The following AKAP9 variants were observed in gnomAD, a reference collection of about 807,000 sequenced individuals.
AKAP9 encodes the protein A-kinase anchor protein 9.
A neutral mutation model predicts 488.5 loss-of-function variants in AKAP9; 311 were observed. That is an observed-to-expected ratio of 0.64 (90% CI 0.58 to 0.70). The LOEUF (loss-of-function observed/expected upper bound fraction) is 0.70. Ranked by LOEUF, AKAP9 falls within the 30% of genes least tolerant of loss-of-function variation. The pLI, the probability that AKAP9 is intolerant of heterozygous loss-of-function variation, is 0.00. For missense variants in AKAP9, 4,215 were observed against 4,374.5 expected, an observed-to-expected ratio of 0.96 and a Z score of 1.03; for synonymous variants, 1,462 against 1,483.5, an observed-to-expected ratio of 0.99 and a Z score of 0.33.
intron 1 of AKAP9, among the ~76,000 whole-genome samples, chr7:91,957,541 A>G (rs370084161): frequency 2.3e-4 from 35 of 152,310 alleles, no homozygotes; most frequent in South Asian, 1.4e-3. Flanking sequence ...TCACAAAGGA[A>G]CAAGAATTCC....
intron 4 of AKAP9, 78 bp from the exon 5 acceptor site, chr7:91,992,807 A>G: frequency 1.4e-6 from 2 of 1,386,430 alleles, no homozygotes; most frequent in Non-Finnish European, 2.0e-6. Context: ...GGACCTTGCT[A>G]TGGATTTCAG....
chr7:92,058,719 T>A (rs1051590223), intron 22 of AKAP9, among the ~76,000 whole-genome samples: 6 of 152,028 alleles, frequency 3.9e-5, no homozygotes, highest in African/African-American at 1.2e-4. Flanking sequence ...ATGGAATAAT[T>A]ATTATATTTG....
In AKAP9 at chr7:91,968,679, G is replaced by A. The variant is rs145462628; in HGVS notation, c.49-5032G>A. Among the ~76,000 whole-genome samples the A allele has an allele frequency of 4.2e-3, 644 of 152,090 alleles. 3 individuals carry two copies. The highest frequency in any genetic ancestry group is 0.015 in the African/African-American group (602 of 41,506). On this transcript the variant is annotated intron_variant, in intron 1 of 49. Transcript: ENST00000356239. ...TTGGTTTTCTAGTTTCTTGCAGTGC[G>A]TTGTTTGGTTGTTTATTTGAAGTCT...
chr7:92,073,744 T>C (rs1287825981), intron 28 of AKAP9, among the ~76,000 whole-genome samples: 1 of 152,174 alleles, frequency 6.6e-6, no homozygotes, highest in Non-Finnish European at 1.5e-5. Context: ...TTGAAGTGTC[T>C]GATATGATGC....
At chr7:91,957,075 A>G (rs756647) in intron 1 of AKAP9, among the ~76,000 whole-genome samples, 62,918 of 151,948 alleles carry the variant, frequency 0.41, 13,477 homozygotes, top group African/African-American at 0.51. Context: ...CCTGATTTAC[A>G]TCTCAATATA....
In AKAP9 at chr7:92,108,558, G is replaced by T. The variant is rs376870775; in HGVS notation, c.11611G>T (p.Asp3871Tyr). ...AGCATGTTCTCAGCTTCAGAATTAC[G>T]ATCCTGACAGAGCCCTAACAGATTA... ...SLACSQLQNY[D>Y]PDRALTDYIT... Residue 3871 changes from aspartate to tyrosine, a missense_variant, in exon 49 of 50, where the codon GAT (aspartate) becomes TAT (tyrosine). By Grantham distance (160) the Asp-to-Tyr change is radical. Transcript: ENST00000356239. 104 of 1,613,916 alleles carry T rather than the reference G, an allele frequency of 6.4e-5. No individual in the cohort carries two copies. The highest frequency in any genetic ancestry group is 8.2e-5 in the Non-Finnish European group (97 of 1,179,986).
chr7:91,976,939 T>G (rs536155783), intron 2 of AKAP9, among the ~76,000 whole-genome samples: 133 of 152,306 alleles, frequency 8.7e-4, no homozygotes, highest in African/African-American at 3.0e-3. Flanking sequence ...CTTTAGTTAT[T>G]TGACTGTATT....
intron 12 of AKAP9, among the ~76,000 whole-genome samples, chr7:92,019,211 G>A (rs748906479): frequency 6.6e-6 from 1 of 151,016 alleles, no homozygotes; most frequent in African/African-American, 2.4e-5. Context: ...GCGTGATCTC[G>A]GCTCACTGCA....
At chr7:92,000,186 C>T (rs970268353) in intron 7 of AKAP9, among the ~76,000 whole-genome samples, 1 of 152,188 alleles carries the variant, frequency 6.6e-6, no homozygotes, top group African/African-American at 2.4e-5. Context: ...ATCTGCTTTG[C>T]TTTGAAAATT....
chr7:92,078,066 G>A (rs1812909309), intron 30 of AKAP9, among the ~76,000 whole-genome samples, 191 bp downstream of exon 30: 1 of 151,488 alleles, frequency 6.6e-6, no homozygotes, highest in African/African-American at 2.4e-5. Flanking sequence ...GTGCAACCTC[G>A]GCTCACTGCA....
At chr7:91,970,628 C>A in intron 1 of AKAP9, 1 of 382,632 alleles carries the variant, frequency 2.6e-6, no homozygotes, top group South Asian at 2.1e-5. Context: ...TTTTTTCCTT[C>A]AGCACTTTGA....
intron 8 of AKAP9, among the ~76,000 whole-genome samples, chr7:92,004,548 G>A (rs1799569052): frequency 2.0e-5 from 3 of 152,062 alleles, no homozygotes; most frequent in Non-Finnish European, 4.4e-5. Context: ...TTGTAAGTTG[G>A]ATTCCTAGGT....
intron 8 of AKAP9, among the ~76,000 whole-genome samples, chr7:92,009,954 A>G (rs770812421): frequency 6.6e-6 from 1 of 152,200 alleles, no homozygotes; most frequent in Non-Finnish European, 1.5e-5. Context: ...ATCACATTTC[A>G]CTATGGCTGC....
At chr7:92,065,718 G>A (rs1348425508) in intron 25 of AKAP9, among the ~76,000 whole-genome samples, 1 of 152,022 alleles carries the variant, frequency 6.6e-6, no homozygotes, top group Non-Finnish European at 1.5e-5. Flanking sequence ...TTATGAATAA[G>A]CCCCACTAGT....
chr7:92,058,333 T>C, intron 22 of AKAP9: 1 of 575,984 alleles, frequency 1.7e-6, no homozygotes, highest in Non-Finnish European at 3.5e-6. Flanking sequence ...TTAATACTTC[T>C]ATTTTCCATT....
intron 28 of AKAP9, among the ~76,000 whole-genome samples, 194 bp downstream of exon 28, chr7:92,071,203 C>T (rs896184296): frequency 2.6e-5 from 4 of 152,016 alleles, no homozygotes; most frequent in Non-Finnish European, 4.4e-5. Context: ...GAAGAGTGCT[C>T]CAGATAGAGA....
At chr7:92,045,347 T>A in intron 21 of AKAP9, 134 bp downstream of exon 21, 1 of 817,214 alleles carries the variant, frequency 1.2e-6, no homozygotes, top group Non-Finnish European at 2.0e-6. Flanking sequence ...AGAAATACAT[T>A]AGAGCAACTC....
chr7:91,949,429 G>A (rs186560776), intron 1 of AKAP9, among the ~76,000 whole-genome samples: 290 of 152,280 alleles, frequency 1.9e-3, no homozygotes, highest in African/African-American at 6.5e-3. Flanking sequence ...ACAAGTGCAT[G>A]CAGTTGGTTA....
chr7:92,059,706 T>C (rs1400640469), intron 22 of AKAP9, among the ~76,000 whole-genome samples: 1 of 123,084 alleles, frequency 8.1e-6, no homozygotes, highest in African/African-American at 3.3e-5. Flanking sequence ...CAGAAAAAAA[T>C]GACAAACGTG....
Sources: allele counts gnomAD v4.1 joint callset (sites outside exome capture counted in the v4.1 genomes callset), GRCh38; gene constraint gnomAD v4.1.1; transcripts MANE v1.5; gene names NCBI Gene and HGNC (gene_info 2026-07-23, HGNC 2026-07-21).